EPB41L5: variants seen among roughly 807,000 people sequenced by gnomAD.
EPB41L5 encodes erythrocyte membrane protein band 4.1 like 5.
Under a neutral mutation model 106.6 loss-of-function variants are expected in EPB41L5, and 55 were observed. The observed-to-expected ratio is 0.52, with a 90% confidence interval of 0.42 to 0.65. The LOEUF is 0.65. Ranked by LOEUF, EPB41L5 falls within the 30% of genes least tolerant of loss-of-function variation. The probability of loss-of-function intolerance (pLI) is 0.00; values close to 1 mark genes in which losing one functional copy is unlikely to be tolerated. For synonymous variants in EPB41L5, 297 were observed against 306.7 expected (o/e 0.97, Z 0.33); for missense variants, 871 against 882.1 (o/e 0.99, Z 0.16).
intron 1 of EPB41L5, among the ~76,000 whole-genome samples, chr2:120,014,743 G>C (rs186192630): frequency 2.0e-5 from 3 of 151,988 alleles, no homozygotes; most frequent in Non-Finnish European, 2.9e-5. Flanking sequence ...AAGACTCTCC[G>C]GCCGAGCAGC....
At chr2:120,128,364 T>G (rs1249760793) in intron 17 of EPB41L5, among the ~76,000 whole-genome samples, 1 of 152,146 alleles carries the variant, frequency 6.6e-6, no homozygotes, top group Non-Finnish European at 1.5e-5. Flanking sequence ...TAGTTTTATA[T>G]GAAAGCATAA....
intron 20 of EPB41L5, among the ~76,000 whole-genome samples, chr2:120,159,378 G>A (rs1210771119): frequency 2.1e-5 from 3 of 144,638 alleles, no homozygotes; most frequent in Non-Finnish European, 4.5e-5. Context: ...AGCCGAGATC[G>A]CGCCACTGCA....
intron 3 of EPB41L5, among the ~76,000 whole-genome samples, chr2:120,062,892 G>A (rs1369040367): frequency 2.6e-5 from 4 of 152,130 alleles, no homozygotes; most frequent in African/African-American, 9.7e-5. Flanking sequence ...TTTAAAAATA[G>A]TGATGAGGAG....
At chr2:120,119,256 T>C (rs1476465604) in intron 16 of EPB41L5, among the ~76,000 whole-genome samples, 1 of 152,210 alleles carries the variant, frequency 6.6e-6, no homozygotes, top group East Asian at 1.9e-4. Context: ...TGCAAAAATC[T>C]TCTCCCATTC....
intron 13 of EPB41L5, among the ~76,000 whole-genome samples, chr2:120,092,918 A>G (rs1683508723): frequency 6.6e-6 from 1 of 152,214 alleles, no homozygotes; most frequent in Non-Finnish European, 1.5e-5. Flanking sequence ...GTGAATCCCA[A>G]AACACTTTGG....
intron 23 of EPB41L5, 93 bp downstream of exon 23, chr2:120,167,600 T>C (rs1687472589): frequency 7.5e-7 from 1 of 1,332,750 alleles, no homozygotes; most frequent in Non-Finnish European, 1.1e-6. Context: ...CTTAAAAACA[T>C]GAGGGTTGTT....
chr2:120,033,738 G>T (rs1345730990), intron 2 of EPB41L5, among the ~76,000 whole-genome samples: 1 of 149,608 alleles, frequency 6.7e-6, no homozygotes, highest in Non-Finnish European at 1.5e-5. Flanking sequence ...AAGTAATTAT[G>T]GTTTTTGCAA....
chr2:120,137,778 A>G (rs1486669015), intron 18 of EPB41L5, among the ~76,000 whole-genome samples: 1 of 152,134 alleles, frequency 6.6e-6, no homozygotes, highest in Non-Finnish European at 1.5e-5. Flanking sequence ...AAATATTTAA[A>G]GAAGAACTAA....
chr2:120,084,203 C>G (rs1049664404), intron 10 of EPB41L5, among the ~76,000 whole-genome samples: 4 of 152,134 alleles, frequency 2.6e-5, no homozygotes, highest in Non-Finnish European at 5.9e-5. Context: ...TTAGTTGATG[C>G]AGTTTCTTCC....
At chr2:120,076,849 T>A in intron 7 of EPB41L5, 122 bp from the exon 8 acceptor site, 1 of 850,432 alleles carries the variant, frequency 1.2e-6, no homozygotes, top group Non-Finnish European at 1.8e-6. Flanking sequence ...CTTGTCTGAG[T>A]ATTATGAATT....
At chr2:120,041,302 T>A (rs568099781) in intron 2 of EPB41L5, among the ~76,000 whole-genome samples, 8 of 152,282 alleles carry the variant, frequency 5.3e-5, no homozygotes, top group African/African-American at 1.7e-4. Context: ...TGTTGTTTTG[T>A]TTCAGGTATA....
chr2:120,158,011 A>G (rs1686974246), intron 20 of EPB41L5, among the ~76,000 whole-genome samples: 1 of 152,164 alleles, frequency 6.6e-6, no homozygotes, highest in African/African-American at 2.4e-5. Flanking sequence ...AGAAATTAAT[A>G]AATTCCTGGA....
intron 21 of EPB41L5, among the ~76,000 whole-genome samples, chr2:120,163,271 C>A (rs866897806): frequency 2.7e-4 from 32 of 120,140 alleles, no homozygotes; most frequent in Middle Eastern, 4.3e-3. Flanking sequence ...CCCCCCCCCC[C>A]CAAAAAAAGA....
chr2:120,096,516 G>T (rs1356919022), intron 14 of EPB41L5, among the ~76,000 whole-genome samples: 1 of 152,176 alleles, frequency 6.6e-6, no homozygotes, highest in Non-Finnish European at 1.5e-5. Flanking sequence ...ATGGCTGGGA[G>T]CAGTGGCTCA....
intron 11 of EPB41L5, 75 bp from the exon 12 acceptor site, chr2:120,090,271 TG>T (rs1326763791): frequency 4.2e-6 from 5 of 1,195,424 alleles, no homozygotes; most frequent in African/African-American, 3.1e-5. Flanking sequence ...TTCATGGATG[TG>T]TTTGTATCTC....
At chr2:120,106,773 T>C in intron 16 of EPB41L5, 1 of 985,342 alleles carries the variant, frequency 1.0e-6, no homozygotes, top group Non-Finnish European at 1.2e-6. Context: ...AATGAGCTCA[T>C]AAGATCATCG....
intron 16 of EPB41L5, among the ~76,000 whole-genome samples, chr2:120,113,364 A>G (rs1348550592): frequency 6.6e-6 from 1 of 152,216 alleles, no homozygotes; most frequent in African/African-American, 2.4e-5. Flanking sequence ...ACTCCAAATT[A>G]TGGAAGGAGA....
chr2:120,084,225 G>A (rs1045828980), intron 10 of EPB41L5, among the ~76,000 whole-genome samples: 7 of 152,162 alleles, frequency 4.6e-5, no homozygotes, highest in African/African-American at 1.7e-4. Context: ...AGCATCGATG[G>A]TCTTTACAAT....
intron 3 of EPB41L5, among the ~76,000 whole-genome samples, chr2:120,055,481 ATTTTTTTTTT>A (rs34856540): frequency 2.3e-5 from 2 of 85,552 alleles, no homozygotes; most frequent in Non-Finnish European, 2.2e-5. Flanking sequence ...TAGGTTTTTA[ATTTTTTTTTT>A]TTTTTTTTTT....
Sources: allele counts gnomAD v4.1 joint callset (sites outside exome capture counted in the v4.1 genomes callset), GRCh38; gene constraint gnomAD v4.1.1; transcripts MANE v1.5; gene names NCBI Gene and HGNC (gene_info 2026-07-23, HGNC 2026-07-21).